The following INPP4B variants were observed in gnomAD, a reference collection of about 807,000 sequenced individuals.
INPP4B encodes the protein inositol polyphosphate 4-phosphatase type II.
Under a neutral mutation model 122.5 loss-of-function variants are expected in INPP4B, and 55 were observed. The observed-to-expected ratio is 0.45, with a 90% CI of 0.36 to 0.56. The LOEUF is 0.56. Ranked by LOEUF, INPP4B falls within the 20% of genes least tolerant of loss-of-function variation. The pLI is 0.00. For missense variants in INPP4B, 1,000 were observed against 1,097.7 expected (o/e 0.91, Z 1.26); for synonymous variants, 403 against 388.7 (o/e 1.04, Z -0.43).
chr4:142,359,732 AGCTTTAT>A (rs1307818931), intron 7 of INPP4B, among the ~76,000 whole-genome samples: 1 of 152,004 alleles, frequency 6.6e-6, no homozygotes, highest in African/African-American at 2.4e-5. Context: ...GACTGTATCT[AGCTTTAT>A]GCTTTATGCT....
intron 25 of INPP4B, among the ~76,000 whole-genome samples, chr4:142,038,552 C>G (rs1471565386): frequency 6.6e-6 from 1 of 152,142 alleles, no homozygotes; most frequent in Non-Finnish European, 1.5e-5. Context: ...GTGTACTTTT[C>G]TTGACATGGT....
rs188809001 is a variant in INPP4B at position 142,585,175 on chromosome 4, C to T, written c.-190-122449G>A. 3.4e-3 allele frequency among the ~76,000 whole-genome samples: 512 copies of T among 152,282 alleles called. 4 individuals are homozygous for T. The highest frequency in any genetic ancestry group is 3.5e-3 in the Non-Finnish European group (240 of 68,020). ...GGAGATGCTTAAGGCCTATTTTGTG[C>T]ATTCACTGTCTTAGCCCTAGACTCC... On this transcript the variant is annotated intron_variant, in intron 2 of 25. Transcript: ENST00000262992.
chr4:142,431,453 A>G lies in INPP4B; in HGVS notation c.-126-68T>C, dbSNP rs1228513608. On this transcript the variant is annotated intron_variant, in intron 3 of 25. Coordinates refer to ENST00000262992, the MANE Select transcript of INPP4B (RefSeq NM_001101669.3). ...CAGTATAAAGCTAAAAAGTAAAGGT[A>G]AGTAGAGACTGCAACTACATTCAAA... 1.4e-5 allele frequency: 8 copies of G among 574,062 alleles called. No homozygotes were observed. In the East Asian group the frequency reaches 2.3e-4, roughly 17 times the overall value. 35.6% of individuals were successfully genotyped at this position (574,062 alleles called of 1,614,324 possible). A position where few individuals can be genotyped will look rare whatever the true frequency, so the allele number is the denominator to read the frequency against.
chr4:142,661,568 A>G (rs1323392536), intron 2 of INPP4B, among the ~76,000 whole-genome samples: 2 of 152,240 alleles, frequency 1.3e-5, no homozygotes, highest in Non-Finnish European at 2.9e-5. Flanking sequence ...TATCTTTTAT[A>G]ATAGTTAAAC....
At chr4:142,088,677 T>C (rs1358238399) in intron 23 of INPP4B, among the ~76,000 whole-genome samples, 2 of 152,214 alleles carry the variant, frequency 1.3e-5, no homozygotes, top group East Asian at 1.9e-4. Flanking sequence ...TGAACACATA[T>C]TGCTTTTAAA....
intron 7 of INPP4B, among the ~76,000 whole-genome samples, chr4:142,322,877 AC>A (rs1008974855): frequency 3.9e-5 from 6 of 152,192 alleles, no homozygotes; most frequent in African/African-American, 1.4e-4. Flanking sequence ...CAAGGGAAGG[AC>A]CCAAGCATCA....
chr4:142,127,702 G>A (rs1799245080), intron 18 of INPP4B, among the ~76,000 whole-genome samples: 1 of 152,162 alleles, frequency 6.6e-6, no homozygotes, highest in African/African-American at 2.4e-5. Context: ...TTACAAGTTT[G>A]TGAGCAAGGT....
chr4:142,654,547 A>G (rs1753770605), intron 2 of INPP4B: 1 of 152,072 alleles, frequency 6.6e-6, no homozygotes, highest in Admixed American at 6.5e-5. Flanking sequence ...TAATTCTGCT[A>G]TTATATTATT....
intron 23 of INPP4B, among the ~76,000 whole-genome samples, chr4:142,088,393 C>CTATAA (rs1561075228): frequency 6.6e-6 from 1 of 152,170 alleles, no homozygotes; most frequent in Admixed American, 6.5e-5. Context: ...TATAAGCAGC[C>CTATAA]ATTAAAAATT....
intron 25 of INPP4B, chr4:142,030,322 T>A: frequency 6.6e-7 from 1 of 1,525,326 alleles, no homozygotes; most frequent in Non-Finnish European, 8.8e-7. Context: ...GAGGGGAAGT[T>A]GGGGGGGAAA....
intron 21 of INPP4B, 87 bp downstream of exon 21, chr4:142,122,041 A>C: frequency 1.2e-6 from 1 of 814,848 alleles, no homozygotes; most frequent in Non-Finnish European, 2.0e-6. Flanking sequence ...TTCCCAAATC[A>C]AACCTGAATT....
chr4:142,053,065 ACAG>A (rs1441485169), intron 25 of INPP4B, among the ~76,000 whole-genome samples: 1 of 152,066 alleles, frequency 6.6e-6, no homozygotes. Context: ...ATGAACCACC[ACAG>A]AAGAGGTATT....
intron 25 of INPP4B, among the ~76,000 whole-genome samples, chr4:142,055,648 A>G (rs1757241528): frequency 1.0e-4 from 1 of 9,544 alleles, no homozygotes; most frequent in African/African-American, 1.2e-4. Flanking sequence ...GTGTTTTAAA[A>G]GCATTTGTTC....
rs534037896 is a variant in INPP4B at position 142,517,509 on chromosome 4, G to A, written c.-190-54783C>T. Among the ~76,000 whole-genome samples the A allele has an allele frequency of 3.3e-5, 5 of 152,256 alleles. No homozygotes were observed. In the South Asian group the frequency reaches 6.2e-4, roughly 19 times the overall value. On this transcript the variant is annotated intron_variant, in intron 2 of 25. Transcript: ENST00000262992. ...CATCCAGGAAATGTAATCCTATGGA[G>A]CAAAGAGATACCAGGTGCATCCTTG...
chr4:142,840,434 T>C (rs1465034109), intron 1 of INPP4B, among the ~76,000 whole-genome samples: 2 of 152,184 alleles, frequency 1.3e-5, no homozygotes, highest in Non-Finnish European at 2.9e-5. Flanking sequence ...TTTTCCTTTC[T>C]CTTACCCAGA....
rs570633513 is a variant in INPP4B at position 142,067,697 on chromosome 4, T to G, written c.2642+14334A>C. Among the ~76,000 whole-genome samples the G allele has an allele frequency of 5.9e-5, 9 of 152,282 alleles. No homozygotes were observed. In the East Asian group the frequency reaches 1.7e-3, roughly 29 times the overall value. ...TACGCGACACATGCACAAGCTTCAG[T>G]ACCCAATTTGATCAAGTGGAAGAAA... On this transcript the variant is annotated intron_variant, in intron 25 of 25. Transcript: ENST00000262992.
In INPP4B at chr4:142,378,412, T is replaced by TAA. The variant is rs1260130787; in HGVS notation, c.372+24525_372+24526insTT. ...ATTGGTGGGGTTTTCAAGTGCCTCTTACAGTCTATTGTAATAGCTCATATC... is the reference window on the plus strand; with the variant it reads ...ATTGGTGGGGTTTTCAAGTGCCTCTTAAACAGTCTATTGTAATAGCTCATATC... On this transcript the variant is annotated intron_variant, in intron 7 of 25. Transcript: ENST00000262992. Among the ~76,000 whole-genome samples the TAA allele has an allele frequency of 1.2e-4, 19 of 152,292 alleles. No individual in the cohort carries two copies. The South Asian group carries it at 3.7e-3, about 30-fold the overall frequency.
chr4:142,470,526 A>G (rs554018375), intron 2 of INPP4B, among the ~76,000 whole-genome samples: 161 of 152,312 alleles, frequency 1.1e-3, no homozygotes, highest in African/African-American at 3.6e-3. Context: ...AAAATCTAGG[A>G]GGCATTCTCA....
chr4:142,247,268 GTC>G (rs1194479993), intron 11 of INPP4B, among the ~76,000 whole-genome samples: 1 of 152,006 alleles, frequency 6.6e-6, no homozygotes, highest in African/African-American at 2.4e-5. Context: ...TTTTTGTTGT[GTC>G]TCTGCCAGGT....
Sources: gnomAD v4.1 joint callset for allele counts (sites outside exome capture counted in the v4.1 genomes callset) on GRCh38, gnomAD v4.1.1 for gene constraint, MANE v1.5 for transcripts, NCBI Gene and HGNC (gene_info 2026-07-23, HGNC 2026-07-21) for gene names.